Variants in ZCCHC7 observed in about 807,000 individuals in gnomAD.
ZCCHC7 encodes zinc finger CCHC domain-containing protein 7.
A neutral mutation model predicts 52.0 loss-of-function variants in ZCCHC7; 35 were observed. The ratio of observed to expected loss-of-function variants is 0.67; its 90% confidence interval spans 0.51 to 0.89. The LOEUF is 0.89. ZCCHC7 is among the 40% of genes least tolerant of loss of function. The probability of loss-of-function intolerance (pLI) is 0.00; values close to 1 mark genes in which losing one functional copy is unlikely to be tolerated. For synonymous variants in ZCCHC7, 217 were observed against 221.5 expected (o/e 0.98, Z 0.18); for missense variants, 574 against 649.1 (o/e 0.88, Z 1.26).
intron 2 of ZCCHC7, among the ~76,000 whole-genome samples, chr9:37,225,789 G>A (rs1296629524): frequency 6.6e-6 from 1 of 152,100 alleles, no homozygotes; most frequent in Admixed American, 6.5e-5. Flanking sequence ...GAGTACAAGG[G>A]GCACTTTCTT....
intron 1 of ZCCHC7, 101 bp from the exon 2 acceptor site, chr9:37,126,211 C>A: frequency 8.8e-7 from 1 of 1,138,492 alleles, no homozygotes; most frequent in Middle Eastern, 2.2e-4. Flanking sequence ...ATAGTGATGG[C>A]CTTCATATTA....
chr9:37,202,000 T>G (rs895336494), intron 2 of ZCCHC7, among the ~76,000 whole-genome samples: 1 of 152,224 alleles, frequency 6.6e-6, no homozygotes, highest in Non-Finnish European at 1.5e-5. Context: ...AAATAGAGCT[T>G]CTATTCACAA....
chr9:37,300,873 G>A (rs1829003294), intron 2 of ZCCHC7, among the ~76,000 whole-genome samples: 1 of 152,176 alleles, frequency 6.6e-6, no homozygotes, highest in East Asian at 1.9e-4. Context: ...GTTTGTGAAA[G>A]GACAGTGGAA....
intron 2 of ZCCHC7, among the ~76,000 whole-genome samples, chr9:37,221,480 T>C (rs1231704108): frequency 6.6e-6 from 1 of 152,132 alleles, no homozygotes; most frequent in Non-Finnish European, 1.5e-5. Context: ...TAGCAAAGAA[T>C]ATTTAAGGCA....
intron 2 of ZCCHC7, among the ~76,000 whole-genome samples, chr9:37,203,490 G>T (rs1219229021): frequency 6.6e-6 from 1 of 152,062 alleles, no homozygotes; most frequent in Non-Finnish European, 1.5e-5. Flanking sequence ...AGTGTGTGTT[G>T]TTCCCCGCCC....
At chr9:37,131,742 A>G (rs972460247) in intron 2 of ZCCHC7, among the ~76,000 whole-genome samples, 1 of 151,502 alleles carries the variant, frequency 6.6e-6, no homozygotes, top group Non-Finnish European at 1.5e-5. Flanking sequence ...TTTCCTTTCT[A>G]TTCTTCTTCT....
intron 5 of ZCCHC7, chr9:37,327,417 C>A: frequency 5.6e-6 from 1 of 177,180 alleles, no homozygotes; most frequent in Non-Finnish European, 1.2e-5. Context: ...AATTGTTTTC[C>A]ATCTTACTAC....
At chr9:37,141,282 A>G (rs978619386) in intron 2 of ZCCHC7, among the ~76,000 whole-genome samples, 10 of 151,062 alleles carry the variant, frequency 6.6e-5, no homozygotes, top group African/African-American at 2.5e-4. Flanking sequence ...GTTGATTGCT[A>G]AAGAAAAAGG....
chr9:37,151,569 C>G (rs933433505), intron 2 of ZCCHC7, among the ~76,000 whole-genome samples: 1 of 152,164 alleles, frequency 6.6e-6, no homozygotes, highest in Non-Finnish European at 1.5e-5. Flanking sequence ...CTTTGGGAGC[C>G]TGAGGCAGGT....
rs1842347549 is a variant in ZCCHC7 at position 37,122,234 on chromosome 9, CTTAAA to C, written c.-22+1613_-22+1617del. ...GACTGTGTTAAGTAAATGCTGAAAG[CTTAAA>C]TAAGCCTTAAGTTGTCTAGTTTAAA... On this transcript the variant is annotated intron_variant, in intron 1 of 8. Transcript: ENST00000336755. 2.0e-5 allele frequency among the ~76,000 whole-genome samples: 3 copies of C among 152,348 alleles called. No homozygotes were observed. In the South Asian group the frequency reaches 6.2e-4, roughly 32 times the overall value.
chr9:37,183,138 T>C (rs1822458717), intron 2 of ZCCHC7, among the ~76,000 whole-genome samples: 1 of 152,246 alleles, frequency 6.6e-6, no homozygotes, highest in Non-Finnish European at 1.5e-5. Context: ...TTAAAAAGTT[T>C]TCTTGGCACT....
At chr9:37,186,221 TC>T (rs746056905) in intron 2 of ZCCHC7, among the ~76,000 whole-genome samples, 5 of 152,184 alleles carry the variant, frequency 3.3e-5, no homozygotes, top group African/African-American at 4.8e-5. Context: ...ATTTTTTAGT[TC>T]CTTTTACTTT....
chr9:37,125,965 T>C (rs191754948), intron 1 of ZCCHC7, among the ~76,000 whole-genome samples: 2 of 152,362 alleles, frequency 1.3e-5, no homozygotes, highest in Admixed American at 6.5e-5. Flanking sequence ...GACCATACCA[T>C]GTAGCCTAGT....
intron 2 of ZCCHC7, among the ~76,000 whole-genome samples, chr9:37,278,745 A>G (rs186989782): frequency 1.1e-3 from 171 of 152,378 alleles, no homozygotes; most frequent in African/African-American, 1.4e-4. Context: ...CTTATTAGAA[A>G]CAATGGAGGC....
At position 37,349,417 on chromosome 9, in the gene ZCCHC7, T is replaced by G; in HGVS notation, c.1048T>G (p.Cys350Gly). ...TPSRPSALAY[C>G]YHCAQKGHYG... ...TTCAAGACCATCAGCCTTAGCATAT[T>G]GCTATCACTGCGCGCAAAAAGGCCA... is the stretch of plus-strand genomic sequence containing the variant. Residue 350 changes from cysteine to glycine, a missense_variant, in exon 7 of 9, where the codon TGC becomes GGC. Cys to Gly is a radical substitution (Grantham distance 159, BLOSUM62 -3). This residue lies in a region of ZCCHC7 where 403 missense variants were observed against 461.2 expected (regional missense o/e 0.87). Transcript: ENST00000336755. 1.2e-6 allele frequency: 2 copies of G among 1,614,150 alleles called. No homozygotes were observed. The highest frequency in any genetic ancestry group is 1.7e-6 in the Non-Finnish European group (2 of 1,179,992).
intron 2 of ZCCHC7, among the ~76,000 whole-genome samples, chr9:37,299,321 G>A (rs891574596): frequency 1.3e-5 from 2 of 152,256 alleles, no homozygotes; most frequent in South Asian, 2.1e-4. Context: ...ATTACACAAC[G>A]TGACAATGTA....
chr9:37,241,091 G>A (rs1825854468), intron 2 of ZCCHC7, among the ~76,000 whole-genome samples: 1 of 151,704 alleles, frequency 6.6e-6, no homozygotes, highest in Non-Finnish European at 1.5e-5. Context: ...TACACAATAA[G>A]TGTGCACATT....
At chr9:37,246,080 CAG>C (rs1826068497) in intron 2 of ZCCHC7, among the ~76,000 whole-genome samples, 1 of 152,010 alleles carries the variant, frequency 6.6e-6, no homozygotes, top group African/African-American at 2.4e-5. Context: ...CAAAGAATAG[CAG>C]GGGTTGGGCA....
At chr9:37,215,942 GGTTGATTTTGTGGTCACA>G in intron 2 of ZCCHC7, among the ~76,000 whole-genome samples, 1 of 152,026 alleles carries the variant, frequency 6.6e-6, no homozygotes, top group Non-Finnish European at 1.5e-5. Flanking sequence ...GCCTATGAGG[GGTTGATTTTGTGGTCACA>G]GTTGGAATTT....
Sources: allele counts gnomAD v4.1 joint callset (sites outside exome capture counted in the v4.1 genomes callset), GRCh38; gene constraint gnomAD v4.1.1; regional missense constraint gnomAD v4.1.1; transcripts MANE v1.5; gene names NCBI Gene and HGNC (gene_info 2026-07-23, HGNC 2026-07-21).